LRRK2: variants seen among roughly 807,000 people sequenced by gnomAD.
LRRK2 encodes the protein leucine-rich repeat serine/threonine-protein kinase 2.
A neutral mutation model predicts 302.6 loss-of-function variants in LRRK2; 203 were observed. That is an observed-to-expected ratio of 0.67 (90% CI 0.60 to 0.75). The LOEUF (loss-of-function observed/expected upper bound fraction) is 0.75. Among genes scored for constraint, LRRK2 ranks in the 30% least tolerant of loss-of-function variants. The pLI, the probability that LRRK2 is intolerant of heterozygous loss-of-function variation, is 0.00. For synonymous variants in LRRK2, 1,066 were observed against 1,031.9 expected, an observed-to-expected ratio of 1.03 and a Z score of -0.63; for missense variants, 2,830 against 2,951.0, an observed-to-expected ratio of 0.96 and a Z score of 0.95.
intron 46 of LRRK2, 112 bp from the exon 47 acceptor site, chr12:40,359,148 T>C: frequency 1.1e-6 from 1 of 888,432 alleles, no homozygotes; most frequent in Non-Finnish European, 1.7e-6. Context: ...TTAATTTTAA[T>C]ATCTCTAATC....
In LRRK2 at chr12:40,366,703, G is replaced by A. The variant is rs571492233; in HGVS notation, c.7391-303G>A. 146 of 316,880 alleles carry A rather than the reference G, an allele frequency of 4.6e-4. 2 individuals are homozygous for A. Among genetic ancestry groups the A allele is most frequent in the South Asian group, 4.4e-3 (141 of 32,402 alleles). The allele number at this position is 316,880 out of a possible 1,614,324, so 19.6% of individuals were successfully genotyped here. On this transcript the variant is annotated intron_variant, in intron 49 of 50. Coordinates refer to ENST00000298910, the MANE Select transcript of LRRK2 (RefSeq NM_198578.4). ...AAGAACTTTTCACACACATTACCTCGTTTAACATTGTAACTTTGGGAAGGG... is the reference window on the plus strand; with the variant it reads ...AAGAACTTTTCACACACATTACCTCATTTAACATTGTAACTTTGGGAAGGG...
chr12:40,364,612 T>A (rs191340743), intron 48 of LRRK2, among the ~76,000 whole-genome samples: 4 of 152,094 alleles, frequency 2.6e-5, no homozygotes, highest in East Asian at 3.9e-4. Flanking sequence ...ATTCATAATT[T>A]CCTGAAAATG....
intron 14 of LRRK2, among the ~76,000 whole-genome samples, chr12:40,264,353 G>A (rs17465946): frequency 0.018 from 2,726 of 152,276 alleles, 61 homozygotes; most frequent in South Asian, 0.11. Context: ...GGGCACAGTG[G>A]CCCACACCTG....
intron 45 of LRRK2, 146 bp from the exon 46 acceptor site, chr12:40,355,969 T>TA: frequency 3.2e-6 from 2 of 620,234 alleles, no homozygotes; most frequent in Non-Finnish European, 5.7e-6. Flanking sequence ...CCAAGTCTTC[T>TA]AAAGTAAATA....
chr12:40,267,468 G>A (rs1382674085), intron 14 of LRRK2, among the ~76,000 whole-genome samples: 1 of 151,952 alleles, frequency 6.6e-6, no homozygotes, highest in Non-Finnish European at 1.5e-5. Flanking sequence ...CAAAACAGCC[G>A]TATAGATAAC....
In LRRK2 at chr12:40,359,124, T is replaced by C. The variant is rs1328296534; in HGVS notation, c.6844-136T>C. The C allele has an allele frequency of 8.0e-6, 6 of 747,466 alleles. No homozygotes were observed. In the African/African-American group the frequency reaches 1.1e-4, roughly 13 times the overall value. 46.3% of individuals were successfully genotyped at this position (747,466 alleles called of 1,614,324 possible). ...TAAGAGTTTTTTTTAATGGAATCTT[T>C]AGGTTTTTGAGTTTTAATTTTAATA... On this transcript the variant is annotated intron_variant, in intron 46 of 50. Transcript: ENST00000298910.
At chr12:40,329,059 T>G (rs947536849) in intron 39 of LRRK2, among the ~76,000 whole-genome samples, 7 of 147,700 alleles carry the variant, frequency 4.7e-5, no homozygotes, top group Non-Finnish European at 1.1e-4. Context: ...CATTGCTAAT[T>G]TGATTGAAGG....
Position 40,257,357 on chromosome 12 carries a change from A to G in LRRK2, c.1398A>G (p.Leu466=). The G allele has an allele frequency of 6.2e-7, 1 of 1,612,824 alleles. No individual in the cohort carries two copies. The highest frequency in any genetic ancestry group is 8.5e-7 in the Non-Finnish European group (1 of 1,179,164). Residue 466 remains leucine (L), a synonymous_variant, in exon 12 of 51, where the codon CTA becomes CTG. Coordinates refer to ENST00000298910, the MANE Select transcript of LRRK2 (RefSeq NM_198578.4). ...TGGCTGAAAGTGGCTGTAAAATGCT[A>G]AATCATCTTTTTGAAGGAAGGTAAT... ...PEVAESGCKM[L]NHLFEGSNTS... is the part of the protein sequence containing the mutation.
Position 40,274,886 on chromosome 12 carries a change from T to C in LRRK2, c.1834T>C (p.Tyr612His), listed in dbSNP as rs763220510. The C allele has an allele frequency of 5.0e-6, 8 of 1,612,584 alleles. No individual in the cohort carries two copies. The East Asian group carries it at 1.8e-4, about 36-fold the overall frequency. Residue 612 changes from tyrosine to histidine, a missense_variant, in exon 16 of 51, where the codon TAC (tyrosine) becomes CAC (histidine). Transcript: ENST00000298910. ...IQCLGLSLIGYLITKKNVFIG... is the reference protein window; with the variant it reads ...IQCLGLSLIGHLITKKNVFIG... ...GTGTCTGGGTTTAAGTCTTATAGGA[T>C]ACTTGATTACAAAGAAGAATGTGTT... is the stretch of plus-strand genomic sequence containing the variant.
intron 46 of LRRK2, among the ~76,000 whole-genome samples, chr12:40,358,096 T>C (rs866184540): frequency 6.6e-6 from 1 of 152,108 alleles, no homozygotes; most frequent in Non-Finnish European, 1.5e-5. Flanking sequence ...GGAGTTCTTT[T>C]TTTTTTTTCC....
chr12:40,362,610 AG>A (rs1294126839), intron 47 of LRRK2, among the ~76,000 whole-genome samples: 1 of 152,050 alleles, frequency 6.6e-6, no homozygotes, highest in South Asian at 2.1e-4. Context: ...CAGTGACACC[AG>A]TGGGGAAAAG....
chr12:40,262,926 A>C (rs1038774929), intron 13 of LRRK2, among the ~76,000 whole-genome samples: 4 of 152,196 alleles, frequency 2.6e-5, no homozygotes, highest in African/African-American at 7.2e-5. Flanking sequence ...TTTTAAAATA[A>C]GGACTGAAAG....
chr12:40,293,785 A>G, intron 21 of LRRK2, 122 bp downstream of exon 21: 1 of 664,212 alleles, frequency 1.5e-6, no homozygotes, highest in Non-Finnish European at 2.7e-6. Flanking sequence ...TGAAAACTAT[A>G]ATTTTGAGAT....
intron 41 of LRRK2, among the ~76,000 whole-genome samples, chr12:40,340,665 T>G (rs1375707668): frequency 2.0e-5 from 3 of 152,212 alleles, no homozygotes; most frequent in Admixed American, 6.5e-5. Flanking sequence ...GGGCAAAAAC[T>G]GAATAAAAAG....
intron 44 of LRRK2, among the ~76,000 whole-genome samples, chr12:40,352,217 G>T (rs1946374007): frequency 6.8e-6 from 1 of 146,244 alleles, no homozygotes; most frequent in South Asian, 2.1e-4. Flanking sequence ...TTCTGGGCAA[G>T]CTGCCTCCTG....
chr12:40,321,278 A>G, intron 35 of LRRK2, 90 bp downstream of exon 35: 1 of 1,207,202 alleles, frequency 8.3e-7, no homozygotes, highest in Non-Finnish European at 1.2e-6. Flanking sequence ...TGGCATATGA[A>G]AAGTAATATG....
At chr12:40,303,421 C>A (rs1944698164) in intron 26 of LRRK2, among the ~76,000 whole-genome samples, 1 of 151,938 alleles carries the variant, frequency 6.6e-6, no homozygotes, top group South Asian at 2.1e-4. Flanking sequence ...CATGATAAAC[C>A]AAATTCATAA....
At chr12:40,331,046 G>T (rs1945698467) in intron 39 of LRRK2, among the ~76,000 whole-genome samples, 1 of 151,508 alleles carries the variant, frequency 6.6e-6, no homozygotes, top group Admixed American at 6.6e-5. Flanking sequence ...ATTTTTTTTT[G>T]TATTACTTGC....
intron 2 of LRRK2, among the ~76,000 whole-genome samples, chr12:40,226,742 C>T (rs890724164): frequency 6.6e-6 from 1 of 152,178 alleles, no homozygotes; most frequent in Non-Finnish European, 1.5e-5. Context: ...AGATGCTGTT[C>T]TTTTAAGACT....
Sources: allele counts gnomAD v4.1 joint callset (sites outside exome capture counted in the v4.1 genomes callset), GRCh38; gene constraint gnomAD v4.1.1; transcripts MANE v1.5; gene names NCBI Gene and HGNC (gene_info 2026-07-23, HGNC 2026-07-21).